RASA3: variants seen among roughly 807,000 people sequenced by gnomAD.
RASA3 encodes the protein ras GTPase-activating protein 3.
In RASA3, 73 loss-of-function variants were observed where a neutral mutation model predicts 110.0. The ratio of observed to expected loss-of-function variants is 0.66; its 90% CI spans 0.55 to 0.81. The LOEUF (loss-of-function observed/expected upper bound fraction) is 0.81. Ranked by LOEUF, RASA3 falls within the 30% of genes least tolerant of loss-of-function variation. The probability of loss-of-function intolerance (pLI) is 0.00; values close to 1 mark genes in which losing one functional copy is unlikely to be tolerated. For synonymous variants in RASA3, 500 were observed against 451.4 expected (o/e 1.11, Z -1.37); for missense variants, 976 against 1,113.2 (o/e 0.88, Z 1.75).
intron 2 of RASA3, among the ~76,000 whole-genome samples, chr13:114,052,824 A>G (rs1464652657): frequency 2.3e-3 from 139 of 60,252 alleles, no homozygotes; most frequent in Middle Eastern, 0.014. Context: ...CTGGGGGAGA[A>G]ATCCCCACTG....
rs2053628293 is a variant in RASA3, at chr13:114,011,078, C to T, written c.1590+93G>A. ...GATTCTTGATCTTTATCTTACGACT[C>T]TCTCAAATGTGGGAGGTTTTTCACG... On this transcript the variant is annotated intron_variant, in intron 16 of 23. Coordinates refer to ENST00000334062, the MANE Select transcript of RASA3 (RefSeq NM_007368.4). This position sits in a 1 kb window ranked among gnomAD's most constrained non-coding sequence, Gnocchi z 4.8. 3 of 1,162,686 alleles carry T rather than the reference C, an allele frequency of 2.6e-6. No individual in the cohort carries two copies. Among genetic ancestry groups the T allele is most frequent in the Non-Finnish European group, 3.8e-6 (3 of 788,600 alleles). 72.0% of individuals were successfully genotyped at this position (1,162,686 alleles called of 1,614,324 possible). A position where few individuals can be genotyped will look rare whatever the true frequency, so the allele number is the denominator to read the frequency against.
intron 1 of RASA3, among the ~76,000 whole-genome samples, chr13:114,078,949 C>G (rs1166766794): frequency 6.6e-6 from 1 of 152,224 alleles, no homozygotes; most frequent in Admixed American, 6.5e-5. Flanking sequence ...TCCACAGACC[C>G]CACCCAGCAC....
Position 113,990,058 on chromosome 13 carries a change from G to A in RASA3, c.2245+2427C>T, listed in dbSNP as rs527396072. 3.9e-5 allele frequency among the ~76,000 whole-genome samples: 6 copies of A among 152,166 alleles called. No homozygotes were observed. The South Asian group carries it at 1.0e-3, about 26-fold the overall frequency. On this transcript the variant is annotated intron_variant, in intron 22 of 23. Transcript: ENST00000334062. ...TCTCACGAGGTCTGGTTGTTTGGACGTGTGTGGCATCTACCCCCATCTCTC... is the reference window on the plus strand; with the variant it reads ...TCTCACGAGGTCTGGTTGTTTGGACATGTGTGGCATCTACCCCCATCTCTC...
chr13:114,008,032 C>T (rs547685977), intron 17 of RASA3, among the ~76,000 whole-genome samples: 98 of 13,258 alleles, frequency 7.4e-3, no homozygotes, highest in Non-Finnish European at 0.01. Context: ...ATATTCCCCC[C>T]ACGCACCGCG....
intron 1 of RASA3, among the ~76,000 whole-genome samples, chr13:114,118,981 G>A (rs2080330595): frequency 6.6e-6 from 1 of 152,216 alleles, no homozygotes; most frequent in Admixed American, 6.5e-5. Flanking sequence ...ACAATGAATC[G>A]TGATCTGGTG....
chr13:114,092,594 T>A (rs1250378361), intron 1 of RASA3, among the ~76,000 whole-genome samples: 1 of 152,244 alleles, frequency 6.6e-6, no homozygotes, highest in Non-Finnish European at 1.5e-5. Context: ...TAGTCTATCC[T>A]GGAGAATGTT....
intron 21 of RASA3, among the ~76,000 whole-genome samples, chr13:113,993,964 GTTA>G (rs1348714536): frequency 6.6e-6 from 1 of 152,180 alleles, no homozygotes; most frequent in Non-Finnish European, 1.5e-5. Flanking sequence ...GCGCGGGGCT[GTTA>G]TTTTTAGCAA....
Position 113,979,050 on chromosome 13 carries a change from G to A in RASA3, c.*297C>T, listed in dbSNP as rs1269274446. On this transcript the variant is annotated 3_prime_UTR_variant, in exon 24 of 24. Transcript: ENST00000334062. ...CCTGAGGCTGGCTGTGGTGTGGCTAGGGCACAGCCCACACTTCCTGATCCT... is the reference window on the plus strand; with the variant it reads ...CCTGAGGCTGGCTGTGGTGTGGCTAAGGCACAGCCCACACTTCCTGATCCT... The A allele has an allele frequency of 2.3e-6, 1 of 439,254 alleles. No individual in the cohort carries two copies. Among genetic ancestry groups the A allele is most frequent in the African/African-American group, 2.0e-5 (1 of 50,334 alleles). The allele number at this position is 439,254 out of a possible 1,614,324, so 27.2% of individuals were successfully genotyped here. A position where few individuals can be genotyped will look rare whatever the true frequency, so the allele number is the denominator to read the frequency against.
chr13:114,025,587 G>A (rs1163380008), intron 7 of RASA3, among the ~76,000 whole-genome samples: 1 of 152,254 alleles, frequency 6.6e-6, no homozygotes, highest in Non-Finnish European at 1.5e-5. Flanking sequence ...GGTGGCCTTG[G>A]ACTCCTCTGT....
In RASA3 at chr13:114,011,207, G is replaced by A. The variant is rs749302603; in HGVS notation, c.1554C>T (p.Thr518=). The A allele has an allele frequency of 6.8e-6, 11 of 1,612,884 alleles. No homozygotes were observed. Among genetic ancestry groups the A allele is most frequent in the Admixed American group, 3.3e-5 (2 of 59,982 alleles). The change falls in exon 16 of 24, where the codon ACC becomes ACT. Residue 518 remains threonine, a synonymous_variant. Coordinates refer to ENST00000334062, the MANE Select transcript of RASA3 (RefSeq NM_007368.4). This position sits in a 1 kb window ranked among gnomAD's most constrained non-coding sequence, Gnocchi z 4.8. ...TSRTLTLISK[T]VQTLGSLSKS... Reference sequence around the variant, plus strand: ...TGGACAGGCTGCCGAGGGTCTGAACGGTCTTGGAGATCAATGTCAGCGTCC... The same window carrying A: ...TGGACAGGCTGCCGAGGGTCTGAACAGTCTTGGAGATCAATGTCAGCGTCC...
At chr13:113,996,327 C>T (rs1034916291) in intron 21 of RASA3, among the ~76,000 whole-genome samples, 5 of 152,198 alleles carry the variant, frequency 3.3e-5, no homozygotes, top group Admixed American at 6.5e-5. Context: ...CTGGAGTCTG[C>T]GCAGAGCCTT....
In RASA3 at chr13:114,096,255, C is replaced by T. The variant is rs903054347; in HGVS notation, c.56-22418G>A. Among the ~76,000 whole-genome samples, 4 of 152,138 alleles carry T rather than the reference C, an allele frequency of 2.6e-5. No homozygotes were observed. The highest frequency in any genetic ancestry group is 7.2e-5 in the African/African-American group (3 of 41,432). On this transcript the variant is annotated intron_variant, in intron 1 of 23. Transcript: ENST00000334062. This position sits in a 1 kb window ranked among gnomAD's most constrained non-coding sequence, Gnocchi z 5.1. ...CGTGCTGCCTGGGAGTCCACGTTCT[C>T]GAAAATGCAGGGTGACCCTGGCGCA...
In RASA3 at chr13:114,018,063, G is replaced by A. The variant is rs774628181; in HGVS notation, c.1091+41C>T. The A allele has an allele frequency of 3.2e-4, 470 of 1,451,932 alleles. 1 individual carries two copies. Among genetic ancestry groups the A allele is most frequent in the Admixed American group, 8.9e-4 (36 of 40,496 alleles). 89.9% of individuals were successfully genotyped at this position (1,451,932 alleles called of 1,614,324 possible). On this transcript the variant is annotated intron_variant, in intron 11 of 23. Coordinates refer to ENST00000334062, the MANE Select transcript of RASA3 (RefSeq NM_007368.4). Reference sequence around the variant, plus strand: ...GCGACGACCTTGCCATCCCTGTAGCGGGTCCAGGCCGCTCTCCCCCGGGGC... The same window carrying A: ...GCGACGACCTTGCCATCCCTGTAGCAGGTCCAGGCCGCTCTCCCCCGGGGC...
At chr13:114,009,842 C>T (rs1358550843) in intron 16 of RASA3, among the ~76,000 whole-genome samples, 1 of 152,264 alleles carries the variant, frequency 6.6e-6, no homozygotes, top group African/African-American at 2.4e-5. Context: ...CCCCCACGCC[C>T]ATCTCTCGCC....
intron 18 of RASA3, among the ~76,000 whole-genome samples, chr13:114,001,660 C>A (rs1184448335): frequency 2.0e-5 from 3 of 150,868 alleles, no homozygotes; most frequent in Non-Finnish European, 3.0e-5. Context: ...GGACCTGCGG[C>A]CGTGGGCTCG....
intron 18 of RASA3, among the ~76,000 whole-genome samples, chr13:114,004,820 T>C (rs1289782950): frequency 2.0e-5 from 3 of 152,166 alleles, no homozygotes; most frequent in Admixed American, 6.5e-5. Flanking sequence ...GACACCTGCA[T>C]GCGTACGTTT....
Position 114,007,537 on chromosome 13 carries a change from CTTT to C in RASA3, c.1735_1737del (p.Lys579del). The C allele has an allele frequency of 6.2e-7, 1 of 1,612,700 alleles. No homozygotes were observed. The highest frequency in any genetic ancestry group is 8.5e-7 in the Non-Finnish European group (1 of 1,179,138). On this transcript the variant is annotated inframe_deletion, in exon 18 of 24. Coordinates refer to ENST00000334062, the MANE Select transcript of RASA3 (RefSeq NM_007368.4). ...ACGCCACCTTACCCTCCTTACCCTT[CTTT>C]AAGCACGATGGGCTGCTCAACACTC...
chr13:114,039,111 C>T (rs900730715), intron 4 of RASA3, among the ~76,000 whole-genome samples: 2 of 152,368 alleles, frequency 1.3e-5, no homozygotes, highest in Admixed American at 6.5e-5. Context: ...GAGCTGGCTC[C>T]GAGCCTGGCG....
intron 3 of RASA3, among the ~76,000 whole-genome samples, chr13:114,046,709 G>A (rs914229746): frequency 3.9e-5 from 6 of 152,228 alleles, no homozygotes; most frequent in Admixed American, 3.3e-4. Context: ...TTCGGTGTCC[G>A]AGCCCTGCCT....
Sources: allele counts gnomAD v4.1 joint callset (sites outside exome capture counted in the v4.1 genomes callset), GRCh38; gene constraint gnomAD v4.1.1; non-coding constraint Gnocchi (gnomAD v3.1); transcripts MANE v1.5; gene names NCBI Gene and HGNC (gene_info 2026-07-23, HGNC 2026-07-21).